The following NRXN3 variants were observed in gnomAD, a reference collection of about 807,000 sequenced individuals.
The protein encoded by NRXN3 is neurexin III.
In NRXN3, 32 loss-of-function variants were observed where a neutral mutation model predicts 137.6. That is an observed-to-expected ratio of 0.23 (90% CI 0.18 to 0.31). NRXN3 has a LOEUF of 0.31. NRXN3 is among the 10% of genes least tolerant of loss of function. NRXN3 has a pLI of 1.00. For missense variants in NRXN3, 1,574 were observed against 2,062.5 expected, an observed-to-expected ratio of 0.76 and a Z score of 4.59; for synonymous variants, 798 against 784.5, an observed-to-expected ratio of 1.02 and a Z score of -0.29.
At chr14:79,788,220 C>T (rs2140238713) in intron 19 of NRXN3, among the ~76,000 whole-genome samples, 1 of 152,264 alleles carries the variant, frequency 6.6e-6, no homozygotes, top group African/African-American at 2.4e-5. Flanking sequence ...ATGGGAAAAA[C>T]CCACCCCCAT....
intron 16 of NRXN3, among the ~76,000 whole-genome samples, chr14:79,596,697 T>C (rs59673640): frequency 0.35 from 52,591 of 151,538 alleles, 9,707 homozygotes; most frequent in African/African-American, 0.47. Context: ...AATGTCTCTG[T>C]TTGGAAGGGA....
chr14:79,408,387 G>A (rs2153507882), intron 15 of NRXN3, among the ~76,000 whole-genome samples: 1 of 152,200 alleles, frequency 6.6e-6, no homozygotes. Context: ...TCACTTGAAG[G>A]ATAACGTCAC....
intron 10 of NRXN3, among the ~76,000 whole-genome samples, chr14:78,822,453 T>A (rs955345668): frequency 6.6e-6 from 1 of 151,976 alleles, no homozygotes; most frequent in Non-Finnish European, 1.5e-5. Flanking sequence ...GGTGGGTAGA[T>A]CACTTGAGGT....
At chr14:78,825,686 G>T (rs1318591329) in intron 10 of NRXN3, among the ~76,000 whole-genome samples, 1 of 152,210 alleles carries the variant, frequency 6.6e-6, no homozygotes, top group African/African-American at 2.4e-5. Flanking sequence ...TTTCTGATTT[G>T]TCAAATGGAA....
In NRXN3 at chr14:79,509,619, A is replaced by G. The variant is rs193099325; in HGVS notation, c.3444+42217A>G. ...TATGTGTATATATGTATATATGAAA[A>G]GAGCAGAATTTAAATGTTTTTACCA... is the stretch of plus-strand genomic sequence containing the variant. On this transcript the variant is annotated intron_variant, in intron 16 of 20. Transcript: ENST00000335750. Among the ~76,000 whole-genome samples the G allele has an allele frequency of 1.2e-3, 186 of 151,774 alleles. 1 individual carries two copies. The highest frequency in any genetic ancestry group is 1.8e-3 in the Non-Finnish European group (125 of 67,918).
At chr14:79,617,917 C>CGAAAAAAAAAAA (rs2098176088) in intron 16 of NRXN3, among the ~76,000 whole-genome samples, 2 of 91,332 alleles carry the variant, frequency 2.2e-5, no homozygotes. Flanking sequence ...TGAATAGCAG[C>CGAAAAAAAAAAA]AAAAAAAAAA....
chr14:79,808,840 G>A (rs1293242582), intron 20 of NRXN3, among the ~76,000 whole-genome samples: 1 of 151,966 alleles, frequency 6.6e-6, no homozygotes, highest in Non-Finnish European at 1.5e-5. Flanking sequence ...TAAACTGCTG[G>A]TTTTGAGTTA....
intron 9 of NRXN3, 122 bp downstream of exon 9, chr14:78,803,945 T>A: frequency 1.1e-6 from 1 of 912,338 alleles, no homozygotes; most frequent in Non-Finnish European, 1.7e-6. Flanking sequence ...ACCTCTTGTT[T>A]AACAGACCCA....
chr14:79,408,324 A>G (rs1227961574), intron 15 of NRXN3, among the ~76,000 whole-genome samples: 9 of 152,130 alleles, frequency 5.9e-5, no homozygotes. Flanking sequence ...TTTATGCTGT[A>G]GGGTCCAACC....
At chr14:78,436,238 A>G (rs2094061017) in intron 4 of NRXN3, among the ~76,000 whole-genome samples, 2 of 152,240 alleles carry the variant, frequency 1.3e-5, no homozygotes, top group Non-Finnish European at 2.9e-5. Context: ...TGTGGTGCCA[A>G]GTGGCTCAAG....
In NRXN3 at chr14:78,286,413, T is replaced by C. The variant is rs74065977; in HGVS notation, c.727+7751T>C. On this transcript the variant is annotated intron_variant, in intron 3 of 20. Coordinates refer to ENST00000335750, the MANE Select transcript of NRXN3 (RefSeq NM_001330195.2). ...GGGGGAAATGAGGCAACAGACCTCC[T>C]ACACGACTCAGCTAAGCCACACAGC... Among the ~76,000 whole-genome samples, 313 of 152,300 alleles carry C rather than the reference T, an allele frequency of 2.1e-3. 2 individuals carry two copies. Among genetic ancestry groups the C allele is most frequent in the African/African-American group, 7.2e-3 (301 of 41,578 alleles).
chr14:79,063,304 A>G (rs2099676535), intron 15 of NRXN3, among the ~76,000 whole-genome samples: 1 of 152,022 alleles, frequency 6.6e-6, no homozygotes, highest in Non-Finnish European at 1.5e-5. Context: ...TGTTTTTGAG[A>G]TGGAGTCTCG....
intron 4 of NRXN3, among the ~76,000 whole-genome samples, chr14:78,541,706 T>C (rs1015438034): frequency 1.3e-5 from 2 of 152,246 alleles, no homozygotes; most frequent in African/African-American, 4.8e-5. Flanking sequence ...CTCTGATTTT[T>C]AGAATTTTCA....
chr14:78,250,278 G>T (rs2068405710), intron 2 of NRXN3, among the ~76,000 whole-genome samples: 1 of 152,158 alleles, frequency 6.6e-6, no homozygotes, highest in Non-Finnish European at 1.5e-5. Flanking sequence ...GTTGTTGAAA[G>T]GATTTAATGA....
At chr14:79,658,847 C>A (rs764630156) in intron 16 of NRXN3, among the ~76,000 whole-genome samples, 8 of 152,294 alleles carry the variant, frequency 5.3e-5, no homozygotes, top group African/African-American at 1.9e-4. Context: ...CCCTGGCATA[C>A]ATTTGAAAAT....
chr14:78,858,603 A>T (rs1331798445), intron 10 of NRXN3, among the ~76,000 whole-genome samples: 2 of 152,228 alleles, frequency 1.3e-5, no homozygotes, highest in Non-Finnish European at 2.9e-5. Context: ...TTTGGAGCTT[A>T]TAAATTCCTC....
intron 2 of NRXN3, among the ~76,000 whole-genome samples, chr14:78,260,462 T>G (rs2153474305): frequency 6.6e-6 from 1 of 152,332 alleles, no homozygotes; most frequent in Middle Eastern, 3.4e-3. Context: ...ATCATGCTCC[T>G]GAGTAGGCCT....
chr14:78,761,139 G>C (rs1365549968), intron 8 of NRXN3, among the ~76,000 whole-genome samples: 4 of 152,166 alleles, frequency 2.6e-5, no homozygotes, highest in African/African-American at 9.6e-5. Flanking sequence ...AATTCAGCTA[G>C]AGAAAAAGAC....
chr14:79,609,642 C>A (rs75625457), intron 16 of NRXN3, among the ~76,000 whole-genome samples: 4 of 152,148 alleles, frequency 2.6e-5, no homozygotes, highest in South Asian at 2.1e-4. Context: ...TTTATCACTA[C>A]GTAGAGTAAA....
Sources: allele counts gnomAD v4.1 joint callset (sites outside exome capture counted in the v4.1 genomes callset), GRCh38; gene constraint gnomAD v4.1.1; transcripts MANE v1.5; gene names NCBI Gene and HGNC (gene_info 2026-07-23, HGNC 2026-07-21).